B3GNT4: variants seen among roughly 807,000 people sequenced by gnomAD.
B3GNT4 encodes UDP-GlcNAc:betaGal beta-1,3-N-acetylglucosaminyltransferase 4.
Under a neutral mutation model 2.7 loss-of-function variants are expected in B3GNT4, and 2 were observed. The observed-to-expected ratio is 0.73, with a 90% CI of 0.30 to 2.31. B3GNT4 has a LOEUF of 2.31. Among genes scored for constraint, B3GNT4 ranks in the 30% most tolerant of loss-of-function variants. The pLI is 0.12. For synonymous variants in B3GNT4, 280 were observed against 203.4 expected, an observed-to-expected ratio of 1.38 and a Z score of -3.20; for missense variants, 708 against 490.9, an observed-to-expected ratio of 1.44 and a Z score of -4.18.
rs1388492942 is a variant in B3GNT4, at chr12:122,208,356, G to T, written c.*968G>T. The T allele has an allele frequency of 1.2e-6, 2 of 1,610,378 alleles. No homozygotes were observed. Among genetic ancestry groups the T allele is most frequent in the African/African-American group, 1.3e-5 (1 of 74,994 alleles). On this transcript the variant is annotated 3_prime_UTR_variant, in exon 3 of 3. Transcript: ENST00000324189. ...GCCCCTGCTTTCCCCACTGAGTGGG[G>T]AGACAGGGCAGTGTGCTCAGGCCCT...
Position 122,207,169 on chromosome 12 carries a change from C to A in B3GNT4, c.918C>A (p.Val306=), listed in dbSNP as rs780663730. 6 of 1,614,022 alleles carry A rather than the reference C, an allele frequency of 3.7e-6. No individual in the cohort carries two copies. In the Admixed American group the frequency reaches 1.0e-4, roughly 27 times the overall value. The part of the protein sequence containing the change: ...EDAELFPIDD[V]FVGMCLRRLG... Reference sequence around the variant, plus strand: ...CTGAACTCTTCCCCATTGATGATGTCTTTGTGGGTATGTGCCTGAGGCGGC... The same window carrying A: ...CTGAACTCTTCCCCATTGATGATGTATTTGTGGGTATGTGCCTGAGGCGGC... The change falls in exon 3 of 3, where the codon GTC becomes GTA. Residue 306 remains valine, a synonymous_variant. Transcript: ENST00000324189.
chr12:122,204,562 C>CCTG lies in B3GNT4; in HGVS notation c.-56_-55insTGC. ...CACCTGAGACTCATCTCGCTTCGAC[C>CCTG]CCGCCGCCGCCGCCGCCCGGCATCC... is the stretch of plus-strand genomic sequence containing the variant. On this transcript the variant is annotated 5_prime_UTR_variant, in exon 2 of 3. Coordinates refer to ENST00000324189, the MANE Select transcript of B3GNT4 (RefSeq NM_030765.4). 1 of 1,437,066 alleles carries CCTG rather than the reference C, an allele frequency of 7.0e-7. No homozygotes were observed. The highest frequency in any genetic ancestry group is 9.7e-7 in the Non-Finnish European group (1 of 1,028,976). 89.0% of individuals were successfully genotyped at this position (1,437,066 alleles called of 1,614,324 possible).
Position 122,208,278 on chromosome 12 carries a change from C to A in B3GNT4, c.*890C>A, listed in dbSNP as rs540458451. 46 of 1,399,344 alleles carry A rather than the reference C, an allele frequency of 3.3e-5. No homozygotes were observed. The South Asian group carries it at 4.3e-4, about 13-fold the overall frequency. The allele number at this position is 1,399,344 out of a possible 1,614,324, so 86.7% of individuals were successfully genotyped here. A position where few individuals can be genotyped will look rare whatever the true frequency, so the allele number is the denominator to read the frequency against. On this transcript the variant is annotated 3_prime_UTR_variant, in exon 3 of 3. Transcript: ENST00000324189. ...CCTGATTGGCCAGGGCAGGATCTGC[C>A]GCCTCTTCTCGGTGCACAGACAGTC... is the stretch of plus-strand genomic sequence containing the variant.
In B3GNT4 at chr12:122,206,824, C is replaced by A. The variant is rs774168455; in HGVS notation, c.573C>A (p.Phe191Leu). 194 of 1,612,880 alleles carry A rather than the reference C, an allele frequency of 1.2e-4. No homozygotes were observed. Among genetic ancestry groups the A allele is most frequent in the Non-Finnish European group, 1.6e-4 (193 of 1,179,558 alleles). ...ILQWDFTEDF[F>L]NLTLKELHLQ... ...AGTGGGACTTCACTGAGGACTTCTT[C>A]AACCTGACGCTCAAGGAGCTGCACC... The change falls in exon 3 of 3, where the codon TTC becomes TTA. Residue 191 changes from phenylalanine (F) to leucine (L), a missense_variant. Physicochemically the swap from Phe to Leu is conservative, Grantham distance 22. Transcript: ENST00000324189.
rs1408148807 is a variant in B3GNT4, at chr12:122,208,582, CA to C, written c.*1198del. Reference sequence around the variant, plus strand: ...TTATAGAGGCCTGATCTGCGCCTGCCAAAAGATGGGACAATCGGGTTGAGCA... The same window carrying C: ...TTATAGAGGCCTGATCTGCGCCTGCCAAAGATGGGACAATCGGGTTGAGCA... On this transcript the variant is annotated 3_prime_UTR_variant, in exon 3 of 3. Transcript: ENST00000324189. 2.5e-6 allele frequency: 4 copies of C among 1,611,674 alleles called. No individual in the cohort carries two copies. In the South Asian group the frequency reaches 4.4e-5, roughly 18 times the overall value.
In B3GNT4 at chr12:122,207,032, T is replaced by C. The variant is rs750868441; in HGVS notation, c.781T>C (p.Phe261Leu). Residue 261 changes from phenylalanine (F) to leucine (L), a missense_variant, in exon 3 of 3, where the codon TTC becomes CTC. Physicochemically the swap from Phe to Leu is conservative, Grantham distance 22. Coordinates refer to ENST00000324189, the MANE Select transcript of B3GNT4 (RefSeq NM_030765.4). ...CAACAGGAACACTAAGGTCAAATACTTCATCCCACCCTCAATGTACAGGGC... is the reference window on the plus strand; with the variant it reads ...CAACAGGAACACTAAGGTCAAATACCTCATCCCACCCTCAATGTACAGGGC... ...LPNRNTKVKY[F>L]IPPSMYRATH... 1 of 1,613,814 alleles carries C rather than the reference T, an allele frequency of 6.2e-7. No homozygotes were observed. The highest frequency in any genetic ancestry group is 2.2e-5 in the East Asian group (1 of 44,876).
In B3GNT4 at chr12:122,208,484, G is replaced by C. The variant is rs1274156633; in HGVS notation, c.*1096G>C. The C allele has an allele frequency of 6.2e-7, 1 of 1,614,128 alleles. No homozygotes were observed. The highest frequency in any genetic ancestry group is 1.3e-5 in the African/African-American group (1 of 75,048). On this transcript the variant is annotated 3_prime_UTR_variant, in exon 3 of 3. Coordinates refer to ENST00000324189, the MANE Select transcript of B3GNT4 (RefSeq NM_030765.4). ...TTCTATCTGTGCTTCTGCCAGCTTG[G>C]TTTCTGCTTTCCGGGAGAGCTGGTG... is the stretch of plus-strand genomic sequence containing the variant.
chr12:122,207,284 C>G lies in B3GNT4; in HGVS notation c.1033C>G (p.Leu345Val), dbSNP rs1288174641. Reference sequence around the variant, plus strand: ...CTTAGACCCCTGCCTGTATAGGGGGCTCCTGCTGGTTCACCGCCTCAGCCC... The same window carrying G: ...CTTAGACCCCTGCCTGTATAGGGGGGTCCTGCTGGTTCACCGCCTCAGCCC... ...DPLDPCLYRG[L>V]LLVHRLSPLE... Residue 345 changes from leucine (L) to valine (V), a missense_variant, in exon 3 of 3, where the codon CTC (leucine) becomes GTC (valine). By Grantham distance (32) the Leu-to-Val change is conservative (BLOSUM62 1). Coordinates refer to ENST00000324189, the MANE Select transcript of B3GNT4 (RefSeq NM_030765.4). 3 of 1,614,006 alleles carry G rather than the reference C, an allele frequency of 1.9e-6. No individual in the cohort carries two copies. The highest frequency in any genetic ancestry group is 2.5e-6 in the Non-Finnish European group (3 of 1,179,976).
rs1483536905 is a variant in B3GNT4, at chr12:122,207,952, C to T, written c.*564C>T. 7 of 464,978 alleles carry T rather than the reference C, an allele frequency of 1.5e-5. No homozygotes were observed. Among genetic ancestry groups the T allele is most frequent in the Non-Finnish European group, 2.6e-5 (6 of 234,700 alleles). 28.8% of individuals were successfully genotyped at this position (464,978 alleles called of 1,614,324 possible). ...GAAATCGTACAAACTGGACAGGTTC[C>T]CCTCCCCCTGCCACAACTGGCATCC... On this transcript the variant is annotated 3_prime_UTR_variant, in exon 3 of 3. Transcript: ENST00000324189.
Position 122,206,483 on chromosome 12 carries a change from CCCAA to C in B3GNT4, c.236_239del (p.Asn79ThrfsTer18), listed in dbSNP as rs1566016525. ...AACACCCCGTCACAGCCGGTGTCCA[CCCAA>C]CCACACAGTGTCTAGCGCCTCTCTG... On this transcript the variant is annotated frameshift_variant, in exon 3 of 3. Coordinates refer to ENST00000324189, the MANE Select transcript of B3GNT4 (RefSeq NM_030765.4). LOFTEE classifies it low-confidence loss of function (END_TRUNC). The C allele has an allele frequency of 6.2e-7, 1 of 1,614,194 alleles. No homozygotes were observed. The highest frequency in any genetic ancestry group is 1.7e-5 in the Admixed American group (1 of 60,024).
Position 122,206,713 on chromosome 12 carries a change from G to C in B3GNT4, c.462G>C (p.Lys154Asn). 5.6e-6 allele frequency: 9 copies of C among 1,609,946 alleles called. No individual in the cohort carries two copies. The highest frequency in any genetic ancestry group is 7.6e-6 in the Non-Finnish European group (9 of 1,177,800). Residue 154 changes from lysine to asparagine, a missense_variant, in exon 3 of 3, where the codon AAG becomes AAC. Lys to Asn is a moderately conservative substitution (Grantham distance 94). Coordinates refer to ENST00000324189, the MANE Select transcript of B3GNT4 (RefSeq NM_030765.4). Reference sequence around the variant, plus strand: ...GATGGGCTAGGGGCCGGCAGCTGAAGCTGGTGTTCCTCCTAGGGGTGGCAG... The same window carrying C: ...GATGGGCTAGGGGCCGGCAGCTGAACCTGGTGTTCCTCCTAGGGGTGGCAG... ...VGGWARGRQL[K>N]LVFLLGVAGS... is the part of the protein sequence containing the mutation.
rs139109038 is a variant in B3GNT4 at position 122,204,282 on chromosome 12, C to T, written c.-97-240C>T. 7.9e-3 allele frequency among the ~76,000 whole-genome samples: 1,196 copies of T among 152,084 alleles called. 8 individuals carry two copies. Among genetic ancestry groups the T allele is most frequent in the African/African-American group, 0.019 (799 of 41,544 alleles). ...CGAGCGCAGCCTCAGGACCCGCGCC[C>T]CACCAGACGGGGTCGTGCGCTCCGC... On this transcript the variant is annotated intron_variant, in intron 1 of 2. Transcript: ENST00000324189.
At position 122,208,176 on chromosome 12, in the gene B3GNT4, G is replaced by T. The variant is rs1037972156; in HGVS notation, c.*788G>T. On this transcript the variant is annotated 3_prime_UTR_variant, in exon 3 of 3. Coordinates refer to ENST00000324189, the MANE Select transcript of B3GNT4 (RefSeq NM_030765.4). ...GGGGTGAAATGTTAAACAGGGTGCAGTGCCCAAGGGCTAAGAACCAGGTCC... is the reference window on the plus strand; with the variant it reads ...GGGGTGAAATGTTAAACAGGGTGCATTGCCCAAGGGCTAAGAACCAGGTCC... 2.8e-6 allele frequency: 2 copies of T among 712,084 alleles called. No homozygotes were observed. Among genetic ancestry groups the T allele is most frequent in the Admixed American group, 4.0e-5 (2 of 49,824 alleles). The allele number at this position is 712,084 out of a possible 1,614,324, so 44.1% of individuals were successfully genotyped here. A position where few individuals can be genotyped will look rare whatever the true frequency, so the allele number is the denominator to read the frequency against.
chr12:122,206,932 C>A lies in B3GNT4; in HGVS notation c.681C>A (p.Asn227Lys), dbSNP rs773127810. The A allele has an allele frequency of 6.2e-7, 1 of 1,614,150 alleles. No homozygotes were observed. Among genetic ancestry groups the A allele is most frequent in the South Asian group, 1.1e-5 (1 of 91,082 alleles). The change falls in exon 3 of 3, where the codon AAC becomes AAA. Residue 227 changes from asparagine (N) to lysine (K), a missense_variant. Asn to Lys is a moderately conservative substitution (Grantham distance 94). Transcript: ENST00000324189. ...GDDDVFVHVP[N>K]VLEFLDGWDP... ...ACGATGTCTTTGTCCACGTCCCCAA[C>A]GTGTTAGAGTTCCTGGATGGCTGGG...
chr12:122,206,815 G>C lies in B3GNT4; in HGVS notation c.564G>C (p.Glu188Asp). The C allele has an allele frequency of 6.2e-7, 1 of 1,612,452 alleles. No individual in the cohort carries two copies. Among genetic ancestry groups the C allele is most frequent in the Non-Finnish European group, 8.5e-7 (1 of 1,179,328 alleles). Reference protein sequence around the residue: ...FDDILQWDFTEDFFNLTLKEL... With the variant: ...FDDILQWDFTDDFFNLTLKEL... ...ACATCCTCCAGTGGGACTTCACTGA[G>C]GACTTCTTCAACCTGACGCTCAAGG... is the stretch of plus-strand genomic sequence containing the variant. The change falls in exon 3 of 3, where the codon GAG becomes GAC. Residue 188 changes from glutamate to aspartate, a missense_variant. Coordinates refer to ENST00000324189, the MANE Select transcript of B3GNT4 (RefSeq NM_030765.4).
At chr12:122,204,795 T>C in intron 2 of B3GNT4, 111 bp downstream of exon 2, 1 of 916,480 alleles carries the variant, frequency 1.1e-6, no homozygotes, top group Non-Finnish European at 1.7e-6. Flanking sequence ...GTCCCAACGC[T>C]TTGGGAGGCC....
Position 122,207,288 on chromosome 12 carries a change from T to G in B3GNT4, c.1037T>G (p.Leu346Arg), listed in dbSNP as rs754626213. The G allele has an allele frequency of 6.2e-7, 1 of 1,613,970 alleles. No individual in the cohort carries two copies. The highest frequency in any genetic ancestry group is 1.7e-5 in the Admixed American group (1 of 60,006). The change falls in exon 3 of 3, where the codon CTG becomes CGG. Residue 346 changes from leucine to arginine, a missense_variant. Coordinates refer to ENST00000324189, the MANE Select transcript of B3GNT4 (RefSeq NM_030765.4). ...PLDPCLYRGL[L>R]LVHRLSPLEM... is the part of the protein sequence containing the mutation. ...GACCCCTGCCTGTATAGGGGGCTCC[T>G]GCTGGTTCACCGCCTCAGCCCCCTC...
At position 122,206,369 on chromosome 12, in the gene B3GNT4, G is replaced by A. The variant is rs776474905; in HGVS notation, c.118G>A (p.Val40Met). 6.2e-7 allele frequency: 1 copy of A among 1,608,284 alleles called. No individual in the cohort carries two copies. The highest frequency in any genetic ancestry group is 1.1e-5 in the South Asian group (1 of 90,348). The change falls in exon 3 of 3, where the codon GTG (valine) becomes ATG (methionine). Residue 40 changes from valine to methionine, a missense_variant. Coordinates refer to ENST00000324189, the MANE Select transcript of B3GNT4 (RefSeq NM_030765.4). ...CTGGCTGGTCTCGTACAGCTTGGCT[G>A]TGCTGTTGCTCGGCTGCCTGCTCTT... ...LCWLVSYSLA[V>M]LLLGCLLFLR...
intron 1 of B3GNT4, among the ~76,000 whole-genome samples, 181 bp downstream of exon 1, chr12:122,203,982 C>T (rs1404766845): frequency 1.3e-5 from 2 of 151,334 alleles, no homozygotes; most frequent in Admixed American, 1.3e-4. Flanking sequence ...GGGCACGGCT[C>T]GGGGCCCACG....
Sources: gnomAD v4.1 joint callset for allele counts (sites outside exome capture counted in the v4.1 genomes callset) on GRCh38, gnomAD v4.1.1 for gene constraint, MANE v1.5 for transcripts, NCBI Gene and HGNC (gene_info 2026-07-23, HGNC 2026-07-21) for gene names.